The following EXT2 variants were observed in gnomAD, a reference collection of about 807,000 sequenced individuals.
EXT2 encodes exostosin-2.
In EXT2, 53 loss-of-function variants were observed where a neutral mutation model predicts 81.6. That is an observed-to-expected ratio of 0.65 (90% CI 0.52 to 0.82). EXT2 has a LOEUF of 0.82. Among genes scored for constraint, EXT2 ranks in the 40% least tolerant of loss-of-function variants. The probability of loss-of-function intolerance (pLI) is 0.00; values close to 1 mark genes in which losing one functional copy is unlikely to be tolerated. For synonymous variants in EXT2, 320 were observed against 340.0 expected, an observed-to-expected ratio of 0.94 and a Z score of 0.65; for missense variants, 774 against 910.2, an observed-to-expected ratio of 0.85 and a Z score of 1.93.
rs1011228987 is a variant in EXT2 at position 44,250,137 on chromosome 11, T to C, written c.*5850T>C. 3.3e-5 allele frequency among the ~76,000 whole-genome samples: 5 copies of C among 152,224 alleles called. No homozygotes were observed. Among genetic ancestry groups the C allele is most frequent in the Admixed American group, 3.3e-4 (5 of 15,290 alleles). On this transcript the variant is annotated 3_prime_UTR_variant, in exon 14 of 14. Transcript: ENST00000533608. ...AAGAGATATAGCAATTAGAGTTGAC[T>C]AAGACAGTGTCCCTATCCTGTTCTT...
intron 4 of EXT2, among the ~76,000 whole-genome samples, chr11:44,117,433 T>G (rs1044998087): frequency 6.6e-6 from 1 of 152,254 alleles, no homozygotes; most frequent in African/African-American, 2.4e-5. Context: ...TCTAAGAGTT[T>G]TACAGTTTTG....
chr11:44,101,944 T>TA (rs71035677), intron 1 of EXT2, among the ~76,000 whole-genome samples: 48,504 of 130,388 alleles, frequency 0.37, 8,847 homozygotes, highest in South Asian at 0.5. Context: ...GTATAATCAG[T>TA]AAAAAAAAAA....
intron 7 of EXT2, among the ~76,000 whole-genome samples, chr11:44,138,402 G>C (rs1028654107): frequency 6.6e-6 from 1 of 152,064 alleles, no homozygotes; most frequent in Non-Finnish European, 1.5e-5. Flanking sequence ...TGAATTGTTA[G>C]GCCTAGTCTG....
chr11:44,238,290 C>T (rs1955993963), intron 13 of EXT2, among the ~76,000 whole-genome samples: 1 of 152,118 alleles, frequency 6.6e-6, no homozygotes, highest in Admixed American at 6.5e-5. Flanking sequence ...TCAAGTGGTC[C>T]TCTCATCTCA....
chr11:44,199,637 G>A (rs895606454), intron 9 of EXT2, among the ~76,000 whole-genome samples: 21 of 152,256 alleles, frequency 1.4e-4, no homozygotes, highest in African/African-American at 5.1e-4. Flanking sequence ...CTCCTGGTTA[G>A]CCACTTTAGG....
intron 10 of EXT2, among the ~76,000 whole-genome samples, chr11:44,222,252 G>A (rs1955789951): frequency 6.6e-6 from 1 of 152,222 alleles, no homozygotes; most frequent in South Asian, 2.1e-4. Context: ...AGGGAAGGAA[G>A]AAACTGACTT....
At chr11:44,114,148 T>G (rs2134983874) in intron 3 of EXT2, 37 bp from the exon 4 acceptor site, 2 of 1,561,494 alleles carry the variant, frequency 1.3e-6, no homozygotes, top group Non-Finnish European at 1.8e-6. Flanking sequence ...ATAAAGTCCT[T>G]TCTTTCTCAT....
intron 1 of EXT2, chr11:44,096,219 C>G (rs1220480939): frequency 6.5e-7 from 1 of 1,533,588 alleles, no homozygotes; most frequent in Non-Finnish European, 8.7e-7. Flanking sequence ...GCCACCTTCC[C>G]GCCAGCCACA....
In EXT2 at chr11:44,197,874, CCA is replaced by C; in HGVS notation, c.1354_1355del (p.Gln452ValfsTer23). 6.2e-7 allele frequency: 1 copy of C among 1,614,048 alleles called. No homozygotes were observed. Among genetic ancestry groups the C allele is most frequent in the Non-Finnish European group, 8.5e-7 (1 of 1,179,948 alleles). ...SNPLFLPLIP[P>X]QSQGFTAIVL... is the part of the protein sequence containing the mutation. ...TCCACTCTTCCTCCCGCTGATCCCA[CCA>C]CAGTCTCAAGGGTTCACCGCCATAG... On this transcript the variant is annotated frameshift_variant, in exon 9 of 14. Transcript: ENST00000533608. LOFTEE classifies it high-confidence loss of function.
chr11:44,182,398 T>C (rs569596286), intron 8 of EXT2, among the ~76,000 whole-genome samples: 2 of 152,296 alleles, frequency 1.3e-5, no homozygotes, highest in South Asian at 4.1e-4. Context: ...TTATTATCAT[T>C]ATCCTTGGAA....
rs549864225 is a variant in EXT2 at position 44,233,804 on chromosome 11, C to T, written c.1807-311C>T. 2.0e-5 allele frequency among the ~76,000 whole-genome samples: 3 copies of T among 152,210 alleles called. No individual in the cohort carries two copies. The East Asian group carries it at 5.8e-4, about 29-fold the overall frequency. On this transcript the variant is annotated intron_variant, in intron 11 of 13. Coordinates refer to ENST00000533608, the MANE Select transcript of EXT2 (RefSeq NM_207122.2). ...AATTCATGGGATTTACAGTAGTAGA[C>T]TATGTATGCTTTATTTTTTTTGACC...
rs200249806 is a variant in EXT2, at chr11:44,119,124, TTATATATATATATATATA to T, written c.743+4852_743+4869del. On this transcript the variant is annotated intron_variant, in intron 4 of 13. Transcript: ENST00000533608. The stretch of plus-strand genomic sequence containing the variant: ...TGTCCCCCAGGGGACATTTGGCTAT[TTATATATATATATATATA>T]TATATATATATATATATATATATAT... Among the ~76,000 whole-genome samples the T allele has an allele frequency of 9.5e-3, 243 of 25,652 alleles. 8 individuals carry two copies. Among genetic ancestry groups the T allele is most frequent in the African/African-American group, 0.016 (215 of 13,164 alleles). 16.8% of individuals were successfully genotyped at this position (25,652 alleles called of 152,430 possible). A position where few individuals can be genotyped will look rare whatever the true frequency, so the allele number is the denominator to read the frequency against.
At chr11:44,142,900 A>G (rs1158736957) in intron 7 of EXT2, among the ~76,000 whole-genome samples, 5 of 152,212 alleles carry the variant, frequency 3.3e-5, no homozygotes, top group Non-Finnish European at 5.9e-5. Context: ...CAAGCTATAA[A>G]TGAATTCACA....
intron 8 of EXT2, among the ~76,000 whole-genome samples, chr11:44,177,739 G>A (rs536356106): frequency 2.6e-4 from 40 of 151,130 alleles, no homozygotes; most frequent in Middle Eastern, 3.4e-3. Context: ...TTCCAAGTTT[G>A]CTATCATAGG....
chr11:44,177,604 A>G (rs1190196661), intron 8 of EXT2, among the ~76,000 whole-genome samples: 1 of 152,354 alleles, frequency 6.6e-6, no homozygotes, highest in African/African-American at 2.4e-5. Context: ...TAAATGTAAT[A>G]TAGTCTGAAA....
rs1956094512 is a variant in EXT2, at chr11:44,246,474, A to G, written c.*2187A>G. 6.6e-6 allele frequency among the ~76,000 whole-genome samples: 1 copy of G among 152,146 alleles called. No individual in the cohort carries two copies. The highest frequency in any genetic ancestry group is 1.5e-5 in the Non-Finnish European group (1 of 68,022). ...ATTGTGAGCCCTAGAGAGCTGTGTGACTTTATCATCGTCATAGGAGTCATT... is the reference window on the plus strand; with the variant it reads ...ATTGTGAGCCCTAGAGAGCTGTGTGGCTTTATCATCGTCATAGGAGTCATT... On this transcript the variant is annotated 3_prime_UTR_variant, in exon 14 of 14. Coordinates refer to ENST00000533608, the MANE Select transcript of EXT2 (RefSeq NM_207122.2).
chr11:44,222,442 A>G (rs1193073499), intron 10 of EXT2, among the ~76,000 whole-genome samples: 1 of 152,206 alleles, frequency 6.6e-6, no homozygotes, highest in Non-Finnish European at 1.5e-5. Context: ...GTGTTTGGAC[A>G]TTGAATTTAT....
At chr11:44,171,309 C>G (rs1955069649) in intron 7 of EXT2, among the ~76,000 whole-genome samples, 1 of 152,180 alleles carries the variant, frequency 6.6e-6, no homozygotes, top group African/African-American at 2.4e-5. Flanking sequence ...TTATATAAGA[C>G]AAAATACTAT....
chr11:44,098,653 C>G (rs1273532032), intron 1 of EXT2, among the ~76,000 whole-genome samples: 1 of 149,454 alleles, frequency 6.7e-6, no homozygotes, highest in Non-Finnish European at 1.5e-5. Flanking sequence ...CGAGATGACA[C>G]CACTGCACTC....
Sources: gnomAD v4.1 joint callset for allele counts (sites outside exome capture counted in the v4.1 genomes callset) on GRCh38, gnomAD v4.1.1 for gene constraint, MANE v1.5 for transcripts, NCBI Gene and HGNC (gene_info 2026-07-23, HGNC 2026-07-21) for gene names.